The following RGS17 variants were observed in gnomAD, a reference collection of about 807,000 sequenced individuals.
RGS17 encodes regulator of G protein signaling 17, also known as regulator of G-protein signaling 17.
RGS17 carries 12 observed loss-of-function variants against 25.5 expected under a neutral mutation model. That is an observed-to-expected ratio of 0.47 (90% confidence interval 0.30 to 0.76). The LOEUF (loss-of-function observed/expected upper bound fraction) is 0.76. RGS17 is among the 30% of genes least tolerant of loss of function. RGS17 has a pLI of 0.07. For synonymous variants in RGS17, 71 were observed against 76.9 expected (o/e 0.92, Z 0.40); for missense variants, 196 against 242.2 (o/e 0.81, Z 1.27).
intron 1 of RGS17, among the ~76,000 whole-genome samples, chr6:153,107,015 G>C (rs1777393626): frequency 6.6e-6 from 1 of 151,930 alleles, no homozygotes; most frequent in African/African-American, 2.4e-5. Context: ...TGGCATCTCT[G>C]GATTAAAATA....
At chr6:153,087,674 C>G (rs1431691143) in intron 1 of RGS17, among the ~76,000 whole-genome samples, 1 of 152,168 alleles carries the variant, frequency 6.6e-6, no homozygotes, top group Non-Finnish European at 1.5e-5. Context: ...TTGTGTGTCT[C>G]ACCACTGTAT....
At chr6:153,089,835 C>T (rs537438288) in intron 1 of RGS17, among the ~76,000 whole-genome samples, 1 of 152,076 alleles carries the variant, frequency 6.6e-6, no homozygotes, top group East Asian at 1.9e-4. Flanking sequence ...TATTTTGTAA[C>T]TTTTATAGCA....
chr6:153,123,648 T>G (rs2129127327), intron 1 of RGS17, among the ~76,000 whole-genome samples: 1 of 152,208 alleles, frequency 6.6e-6, no homozygotes, highest in South Asian at 2.1e-4. Context: ...GATTCTGGGG[T>G]TTTGGTCAAG....
intron 1 of RGS17, among the ~76,000 whole-genome samples, chr6:153,073,510 G>A (rs1483050923): frequency 6.6e-6 from 1 of 152,140 alleles, no homozygotes; most frequent in African/African-American, 2.4e-5. Flanking sequence ...AACGGTGTTG[G>A]CAAATGTTGA....
In RGS17 at chr6:153,129,799, A is replaced by C. The variant is rs527760375; in HGVS notation, c.-26+1325T>G. 3.9e-5 allele frequency among the ~76,000 whole-genome samples: 6 copies of C among 152,356 alleles called. No individual in the cohort carries two copies. In the South Asian group the frequency reaches 1.2e-3, roughly 32 times the overall value. ...AATCTTATAGTGAATCTTTTGAAAG[A>C]AGCATTTATGGAAAGGTCAGGGGAG... is the stretch of plus-strand genomic sequence containing the variant. On this transcript the variant is annotated intron_variant, in intron 1 of 4. Transcript: ENST00000206262.
intron 1 of RGS17, among the ~76,000 whole-genome samples, chr6:153,085,273 T>C (rs1210142908): frequency 1.3e-5 from 2 of 152,226 alleles, no homozygotes; most frequent in Admixed American, 6.5e-5. Context: ...AATCATTGCA[T>C]AAATTTGAAT....
intron 4 of RGS17, among the ~76,000 whole-genome samples, chr6:153,023,875 A>G (rs1779271311): frequency 6.6e-6 from 1 of 152,190 alleles, no homozygotes; most frequent in Non-Finnish European, 1.5e-5. Context: ...AGGCCTTAAG[A>G]ATTTGTTTTT....
In RGS17 at chr6:153,046,412, T is replaced by C. The variant is rs190465476; in HGVS notation, c.-25-2369A>G. ...ATATGGTAATGATCCTTTATTACCA[T>C]AGAGTGATAAGTGACCTTATCACTC... On this transcript the variant is annotated intron_variant, in intron 1 of 4. Coordinates refer to ENST00000206262, the MANE Select transcript of RGS17 (RefSeq NM_012419.5). Among the ~76,000 whole-genome samples, 21 of 152,194 alleles carry C rather than the reference T, an allele frequency of 1.4e-4. No individual in the cohort carries two copies. The East Asian group carries it at 1.9e-3, about 14-fold the overall frequency.
At chr6:153,045,062 C>T (rs995734517) in intron 1 of RGS17, among the ~76,000 whole-genome samples, 1 of 152,136 alleles carries the variant, frequency 6.6e-6, no homozygotes, top group Non-Finnish European at 1.5e-5. Flanking sequence ...GTTATTTTGG[C>T]ATTATGAGCT....
chr6:153,025,076 G>A (rs1779285149), intron 3 of RGS17, among the ~76,000 whole-genome samples: 1 of 152,068 alleles, frequency 6.6e-6, no homozygotes, highest in Non-Finnish European at 1.5e-5. Flanking sequence ...TTGGGAGGCT[G>A]AGGTGGGAGG....
intron 1 of RGS17, among the ~76,000 whole-genome samples, chr6:153,105,136 T>C (rs1777360579): frequency 6.6e-6 from 1 of 151,586 alleles, no homozygotes; most frequent in Non-Finnish European, 1.5e-5. Flanking sequence ...CAGAACTAAA[T>C]GATGACCTTA....
Position 153,007,581 on chromosome 6 carries a change from A to T in RGS17, c.*3993T>A, listed in dbSNP as rs1482058006. 2 of 151,798 alleles carry T rather than the reference A, an allele frequency of 1.3e-5. No individual in the cohort carries two copies. The highest frequency in any genetic ancestry group is 2.9e-5 in the Non-Finnish European group (2 of 67,932). 9.4% of individuals were successfully genotyped at this position (151,798 alleles called of 1,614,324 possible). A position where few individuals can be genotyped will look rare whatever the true frequency, so the allele number is the denominator to read the frequency against. On this transcript the variant is annotated 3_prime_UTR_variant, in exon 5 of 5. Coordinates refer to ENST00000206262, the MANE Select transcript of RGS17 (RefSeq NM_012419.5). ...GGCATTTTCTGTCTAAGACTTAAAA[A>T]TATTATTATTATAATTATTATTATT...
At chr6:153,048,387 A>G (rs1409246960) in intron 1 of RGS17, among the ~76,000 whole-genome samples, 1 of 151,834 alleles carries the variant, frequency 6.6e-6, no homozygotes, top group Non-Finnish European at 1.5e-5. Context: ...ACCACCTCCT[A>G]TCTCCTTCTA....
chr6:153,043,628 GA>G (rs1410875041), intron 2 of RGS17, among the ~76,000 whole-genome samples: 2 of 151,838 alleles, frequency 1.3e-5, no homozygotes, highest in Non-Finnish European at 2.9e-5. Flanking sequence ...ATATCTTTAA[GA>G]AGCATGGATG....
intron 2 of RGS17, among the ~76,000 whole-genome samples, chr6:153,037,831 A>G (rs1392975044): frequency 1.3e-5 from 2 of 152,220 alleles, no homozygotes; most frequent in Non-Finnish European, 2.9e-5. Flanking sequence ...GATCTATGTA[A>G]TATAATTTTT....
chr6:153,052,895 C>T (rs1776482092), intron 1 of RGS17, among the ~76,000 whole-genome samples: 1 of 152,026 alleles, frequency 6.6e-6, no homozygotes, highest in African/African-American at 2.4e-5. Context: ...GAGATTAGTG[C>T]CCTTAAAAAA....
chr6:153,032,256 T>C (rs1776159671), intron 2 of RGS17, among the ~76,000 whole-genome samples: 1 of 152,192 alleles, frequency 6.6e-6, no homozygotes, highest in South Asian at 2.1e-4. Flanking sequence ...GAGTATGGTT[T>C]TGAGTGGGGT....
chr6:153,019,465 C>T (rs910606214), intron 4 of RGS17, among the ~76,000 whole-genome samples: 1 of 152,178 alleles, frequency 6.6e-6, no homozygotes, highest in Non-Finnish European at 1.5e-5. Flanking sequence ...TGTTCCCACC[C>T]TAATCACAGG....
At chr6:153,024,198 A>G in intron 4 of RGS17, 64 bp downstream of exon 4, 1 of 1,057,052 alleles carries the variant, frequency 9.5e-7, no homozygotes, top group East Asian at 2.5e-5. Flanking sequence ...CAATGTGGAC[A>G]GCCATCCCTT....
Sources: allele counts gnomAD v4.1 joint callset (sites outside exome capture counted in the v4.1 genomes callset), GRCh38; gene constraint gnomAD v4.1.1; transcripts MANE v1.5; gene names NCBI Gene and HGNC (gene_info 2026-07-23, HGNC 2026-07-21).